Variants in RBMS1 observed in about 807,000 individuals in gnomAD.
The protein encoded by RBMS1 is RNA binding motif single stranded interacting protein 1, also known as RNA-binding motif, single-stranded-interacting protein 1.
RBMS1 carries 17 observed loss-of-function variants against 62.3 expected under a neutral mutation model. The observed-to-expected ratio is 0.27, with a 90% confidence interval of 0.19 to 0.41. The LOEUF is 0.41. Among genes scored for constraint, RBMS1 ranks in the 10% least tolerant of loss-of-function variants. The pLI is 1.00. For synonymous variants in RBMS1, 172 were observed against 170.0 expected, an observed-to-expected ratio of 1.01 and a Z score of -0.09; for missense variants, 334 against 504.5, an observed-to-expected ratio of 0.66 and a Z score of 3.24.
At chr2:160,414,893 C>T (rs1177015673) in intron 1 of RBMS1, among the ~76,000 whole-genome samples, 1 of 151,712 alleles carries the variant, frequency 6.6e-6, no homozygotes, top group Non-Finnish European at 1.5e-5. Context: ...GAGTCATATC[C>T]TTTTCAAAAA....
intron 1 of RBMS1, among the ~76,000 whole-genome samples, chr2:160,375,896 G>GAAA (rs34226372): frequency 3.2e-5 from 4 of 126,964 alleles, no homozygotes; most frequent in Admixed American, 7.5e-5. Context: ...AAAATAAATG[G>GAAA]AAAAAAAAAA....
intron 1 of RBMS1, among the ~76,000 whole-genome samples, chr2:160,439,419 G>A (rs1238131733): frequency 6.6e-6 from 1 of 152,006 alleles, no homozygotes; most frequent in Non-Finnish European, 1.5e-5. Context: ...CCCGGACGGG[G>A]CGGCAGGGCA....
At chr2:160,454,300 A>C (rs1168920421) in intron 1 of RBMS1, among the ~76,000 whole-genome samples, 1 of 152,230 alleles carries the variant, frequency 6.6e-6, no homozygotes, top group Non-Finnish European at 1.5e-5. Flanking sequence ...GTATTTACCA[A>C]GTTAGCACAC....
intron 2 of RBMS1, among the ~76,000 whole-genome samples, chr2:160,336,999 C>G (rs1012200481): frequency 2.0e-5 from 3 of 152,142 alleles, no homozygotes; most frequent in Middle Eastern, 3.2e-3. Flanking sequence ...TTTTGTACTT[C>G]TGAAGTTATT....
intron 9 of RBMS1, chr2:160,284,351 T>G: frequency 5.6e-6 from 1 of 177,620 alleles, no homozygotes; most frequent in Non-Finnish European, 1.2e-5. Context: ...TAGAGACACA[T>G]CTTTATGTAT....
At chr2:160,383,457 G>GC (rs1559479834) in intron 1 of RBMS1, among the ~76,000 whole-genome samples, 11 of 150,790 alleles carry the variant, frequency 7.3e-5, no homozygotes, top group African/African-American at 2.2e-4. Flanking sequence ...ATGAATTGGG[G>GC]GGGGGGGAAC....
At chr2:160,470,435 A>G (rs1464751175) in intron 1 of RBMS1, among the ~76,000 whole-genome samples, 1 of 152,204 alleles carries the variant, frequency 6.6e-6, no homozygotes, top group Non-Finnish European at 1.5e-5. Context: ...AATTTTCTAG[A>G]ACAGTGCCCA....
intron 1 of RBMS1, among the ~76,000 whole-genome samples, chr2:160,465,109 A>T (rs779138189): frequency 6.6e-6 from 1 of 152,246 alleles, no homozygotes; most frequent in African/African-American, 2.4e-5. Context: ...AAAAAGTCAA[A>T]TAAGCTAATC....
chr2:160,466,039 T>C (rs924614596), intron 1 of RBMS1, among the ~76,000 whole-genome samples: 6 of 152,236 alleles, frequency 3.9e-5, no homozygotes, highest in African/African-American at 1.4e-4. Flanking sequence ...ATATGGAATA[T>C]ACACACAAAG....
At chr2:160,386,864 T>G (rs1217713612) in intron 1 of RBMS1, among the ~76,000 whole-genome samples, 3 of 152,236 alleles carry the variant, frequency 2.0e-5, no homozygotes, top group African/African-American at 4.8e-5. Flanking sequence ...ATACACCTAG[T>G]CATACTAGAA....
intron 2 of RBMS1, among the ~76,000 whole-genome samples, chr2:160,363,919 AG>A: frequency 6.6e-6 from 1 of 152,156 alleles, no homozygotes; most frequent in Non-Finnish European, 1.5e-5. Flanking sequence ...AAAAAAAGCT[AG>A]GGAAAATAAG....
intron 1 of RBMS1, among the ~76,000 whole-genome samples, chr2:160,457,953 TTTGTTGTTGTTGTTG>T (rs60006211): frequency 8.0e-5 from 12 of 150,564 alleles, no homozygotes; most frequent in South Asian, 2.1e-4. Context: ...TATTGGTTTG[TTTGTTGTTGTTGTTG>T]TTGTTGTTGT....
At chr2:160,307,072 T>C (rs193019504) in intron 4 of RBMS1, among the ~76,000 whole-genome samples, 1 of 152,038 alleles carries the variant, frequency 6.6e-6, no homozygotes, top group Non-Finnish European at 1.5e-5. Context: ...GCTACTAACG[T>C]TCACGTGAGT....
At chr2:160,476,191 G>C (rs7585160) in intron 1 of RBMS1, among the ~76,000 whole-genome samples, 2 of 152,208 alleles carry the variant, frequency 1.3e-5, no homozygotes, top group African/African-American at 4.8e-5. Context: ...TTATATTCAT[G>C]ATATTTAACT....
At chr2:160,459,814 A>C (rs888902398) in intron 1 of RBMS1, among the ~76,000 whole-genome samples, 1 of 152,190 alleles carries the variant, frequency 6.6e-6, no homozygotes, top group Non-Finnish European at 1.5e-5. Flanking sequence ...GGTCTAATGC[A>C]CCTATCTTCT....
At chr2:160,428,659 C>T (rs1240532989) in intron 1 of RBMS1, among the ~76,000 whole-genome samples, 1 of 152,070 alleles carries the variant, frequency 6.6e-6, no homozygotes, top group African/African-American at 2.4e-5. Flanking sequence ...GGGAAAAGAG[C>T]ATTTTTAAAG....
intron 7 of RBMS1, among the ~76,000 whole-genome samples, chr2:160,285,535 C>T (rs994140508): frequency 2.6e-5 from 4 of 151,842 alleles, no homozygotes; most frequent in African/African-American, 4.8e-5. Flanking sequence ...TTTCCCTAGA[C>T]ATTCTTGGAT....
chr2:160,478,727 T>G (rs1394676249), intron 1 of RBMS1, among the ~76,000 whole-genome samples: 1 of 152,234 alleles, frequency 6.6e-6, no homozygotes, highest in Non-Finnish European at 1.5e-5. Context: ...CATTTTCAGC[T>G]GGTGGACTTA....
chr2:160,392,475 C>A (rs956872993), intron 1 of RBMS1, among the ~76,000 whole-genome samples: 1 of 151,548 alleles, frequency 6.6e-6, no homozygotes, highest in Non-Finnish European at 1.5e-5. Flanking sequence ...AAAAAAAAAC[C>A]CTGATCCCAA....
Sources: allele counts gnomAD v4.1 joint callset (sites outside exome capture counted in the v4.1 genomes callset), GRCh38; gene constraint gnomAD v4.1.1; transcripts MANE v1.5; gene names NCBI Gene and HGNC (gene_info 2026-07-23, HGNC 2026-07-21).